C3orf70: variants seen among roughly 807,000 people sequenced by gnomAD.
The protein encoded by C3orf70 is UPF0524 protein C3orf70.
In C3orf70, 15 loss-of-function variants were observed where a neutral mutation model predicts 20.7. The observed-to-expected ratio is 0.72, with a 90% CI of 0.48 to 1.11. C3orf70 has a LOEUF of 1.11. Among genes scored for constraint, C3orf70 ranks in the 50% most tolerant of loss-of-function variants. C3orf70 has a pLI of 0.00. For missense variants in C3orf70, 332 were observed against 317.6 expected (o/e 1.05, Z -0.34); for synonymous variants, 161 against 125.7 (o/e 1.28, Z -1.88).
chr3:185,107,267 C>T (rs952535704), intron 1 of C3orf70, among the ~76,000 whole-genome samples: 8 of 152,222 alleles, frequency 5.3e-5, no homozygotes, highest in East Asian at 1.9e-4. Context: ...GTGAAGGGCC[C>T]GATGGACAAC....
intron 1 of C3orf70, among the ~76,000 whole-genome samples, chr3:185,142,220 G>A (rs1257398442): frequency 6.6e-6 from 1 of 152,138 alleles, no homozygotes; most frequent in Non-Finnish European, 1.5e-5. Flanking sequence ...TGCACTTTGG[G>A]AGGCCAAGGC....
intron 1 of C3orf70, among the ~76,000 whole-genome samples, chr3:185,103,011 G>A (rs1715852203): frequency 6.6e-6 from 1 of 152,186 alleles, no homozygotes; most frequent in African/African-American, 2.4e-5. Flanking sequence ...TTGGGAGGCT[G>A]AGGTGAGTGG....
At chr3:185,091,953 ATATATATATATTTTTTT>A (rs1561331037) in intron 1 of C3orf70, among the ~76,000 whole-genome samples, 168 of 11,218 alleles carry the variant, frequency 0.015, 7 homozygotes, top group African/African-American at 0.079. Context: ...ATATATATAT[ATATATATATATTTTTTT>A]TTTTTTTTAG....
At chr3:185,087,625 G>A (rs973041853) in intron 1 of C3orf70, among the ~76,000 whole-genome samples, 2 of 152,236 alleles carry the variant, frequency 1.3e-5, no homozygotes, top group African/African-American at 4.8e-5. Flanking sequence ...CATAGAAACC[G>A]AAAGCAAGAG....
At position 185,082,972 on chromosome 3, in the gene C3orf70, C is replaced by T. The variant is rs199721046; in HGVS notation, c.*35G>A. The T allele has an allele frequency of 3.2e-4, 513 of 1,580,264 alleles. 3 individuals are homozygous for T. In the African/African-American group the frequency reaches 6.1e-3, roughly 19 times the overall value. Reference sequence around the variant, plus strand: ...ACCAGACAAAGGTACAAAAGCTCGGCGTGGGTCCGAGGCTGTGGCTTCCTG... The same window carrying T: ...ACCAGACAAAGGTACAAAAGCTCGGTGTGGGTCCGAGGCTGTGGCTTCCTG... On this transcript the variant is annotated 3_prime_UTR_variant, in exon 2 of 2. Coordinates refer to ENST00000335012, the MANE Select transcript of C3orf70 (RefSeq NM_001025266.3).
chr3:185,140,930 T>G (rs1716737852), intron 1 of C3orf70, among the ~76,000 whole-genome samples: 1 of 148,392 alleles, frequency 6.7e-6, no homozygotes, highest in African/African-American at 2.5e-5. Context: ...ATCGTGCCAC[T>G]GCACTCCAGC....
At chr3:185,141,801 A>AACACACACACACACACACAC (rs66562532) in intron 1 of C3orf70, among the ~76,000 whole-genome samples, 1 of 146,356 alleles carries the variant, frequency 6.8e-6, no homozygotes, top group South Asian at 2.2e-4. Context: ...ATGCAAAGGA[A>AACACACACACACACACACAC]ACACACACAC....
chr3:185,117,791 T>C (rs13433877), intron 1 of C3orf70, among the ~76,000 whole-genome samples: 7,905 of 152,276 alleles, frequency 0.052, 667 homozygotes, highest in African/African-American at 0.18. Context: ...TTCTCCCACA[T>C]GTGCGCTACG....
At chr3:185,107,942 A>G (rs1242708672) in intron 1 of C3orf70, among the ~76,000 whole-genome samples, 2 of 152,172 alleles carry the variant, frequency 1.3e-5, no homozygotes, top group Non-Finnish European at 2.9e-5. Context: ...CCACATACTA[A>G]TTCACGGACT....
intron 1 of C3orf70, among the ~76,000 whole-genome samples, chr3:185,150,319 T>C (rs1445304806): frequency 6.6e-6 from 1 of 152,246 alleles, no homozygotes; most frequent in Admixed American, 6.5e-5. Context: ...TTTATGAACA[T>C]GTACTGTACT....
chr3:185,145,474 T>A (rs201125325), intron 1 of C3orf70, among the ~76,000 whole-genome samples: 1 of 151,726 alleles, frequency 6.6e-6, no homozygotes, highest in Non-Finnish European at 1.5e-5. Flanking sequence ...AAATACATTA[T>A]TGTTTTTGAA....
At chr3:185,115,431 C>T (rs1053079345) in intron 1 of C3orf70, among the ~76,000 whole-genome samples, 1 of 152,180 alleles carries the variant, frequency 6.6e-6, no homozygotes, top group African/African-American at 2.4e-5. Context: ...ATGGAGAAGG[C>T]TTCCTCTCCT....
intron 1 of C3orf70, among the ~76,000 whole-genome samples, chr3:185,120,122 T>C (rs1452659246): frequency 6.6e-6 from 1 of 152,106 alleles, no homozygotes; most frequent in African/African-American, 2.4e-5. Flanking sequence ...GATATGTATA[T>C]GACTGCTAAT....
rs1204675325 is a variant in C3orf70, at chr3:185,080,555, G to A, written c.*2452C>T. The A allele has an allele frequency of 6.5e-6, 1 of 152,764 alleles. No homozygotes were observed. Among genetic ancestry groups the A allele is most frequent in the East Asian group, 1.9e-4 (1 of 5,200 alleles). 9.5% of individuals were successfully genotyped at this position (152,764 alleles called of 1,614,324 possible). On this transcript the variant is annotated 3_prime_UTR_variant, in exon 2 of 2. Coordinates refer to ENST00000335012, the MANE Select transcript of C3orf70 (RefSeq NM_001025266.3). ...AAGCCCCTTTATACGCCCATCTGGA[G>A]AACGGGCTCACCCACAGGGTGAATC...
intron 1 of C3orf70, among the ~76,000 whole-genome samples, chr3:185,123,925 T>G (rs1716361080): frequency 6.6e-6 from 1 of 152,192 alleles, no homozygotes; most frequent in South Asian, 2.1e-4. Context: ...AGGATTACAC[T>G]GTCTGGAATT....
intron 1 of C3orf70, among the ~76,000 whole-genome samples, chr3:185,093,779 G>A (rs972243679): frequency 6.6e-6 from 1 of 151,906 alleles, no homozygotes; most frequent in Non-Finnish European, 1.5e-5. Context: ...ATAATGGGGG[G>A]CGGGGGGACG....
chr3:185,144,396 CT>C (rs1243629130), intron 1 of C3orf70, among the ~76,000 whole-genome samples: 1 of 152,162 alleles, frequency 6.6e-6, no homozygotes, highest in African/African-American at 2.4e-5. Context: ...CTGCTTTTTG[CT>C]TTTTTTGGAG....
rs760679277 is a variant in C3orf70, at chr3:185,083,394, C to A, written c.366G>T (p.Arg122Ser). 1 of 1,614,036 alleles carries A rather than the reference C, an allele frequency of 6.2e-7. No homozygotes were observed. Among genetic ancestry groups the A allele is most frequent in the African/African-American group, 1.3e-5 (1 of 74,994 alleles). ...TAAAAAGGTCTGAAATCATACAGTA[C>A]CTCGGTGAGTCAGGGGGAAGGGGAG... is the stretch of plus-strand genomic sequence containing the variant. ...FQPPLPPDSP[R>S]YCMISDLFID... The change falls in exon 2 of 2, where the codon AGG (arginine) becomes AGT (serine). Residue 122 changes from arginine (R) to serine (S), a missense_variant. Coordinates refer to ENST00000335012, the MANE Select transcript of C3orf70 (RefSeq NM_001025266.3).
chr3:185,141,251 A>C (rs538213879), intron 1 of C3orf70, among the ~76,000 whole-genome samples: 18 of 152,306 alleles, frequency 1.2e-4, no homozygotes, highest in Admixed American at 1.1e-3. Flanking sequence ...GACAGTGACA[A>C]CACCAAATGC....
Sources: allele counts gnomAD v4.1 joint callset (sites outside exome capture counted in the v4.1 genomes callset), GRCh38; gene constraint gnomAD v4.1.1; transcripts MANE v1.5; gene names NCBI Gene and HGNC (gene_info 2026-07-23, HGNC 2026-07-21).